The following RIPOR2 variants were observed in gnomAD, a reference collection of about 807,000 sequenced individuals.
The protein encoded by RIPOR2 is RHO family interacting cell polarization regulator 2, also known as rho family-interacting cell polarization regulator 2.
RIPOR2 carries 39 observed loss-of-function variants against 114.5 expected under a neutral mutation model. The observed-to-expected ratio is 0.34, with a 90% CI of 0.26 to 0.44. RIPOR2 has a LOEUF of 0.44. Among genes scored for constraint, RIPOR2 ranks in the 20% least tolerant of loss-of-function variants. The pLI, the probability that RIPOR2 is intolerant of heterozygous loss-of-function variation, is 1.00. For missense variants in RIPOR2, 1,007 were observed against 1,255.1 expected (o/e 0.80, Z 2.99); for synonymous variants, 445 against 484.4 (o/e 0.92, Z 1.07).
At chr6:24,877,801 G>A (rs758786959) in intron 1 of RIPOR2, among the ~76,000 whole-genome samples, 5 of 152,256 alleles carry the variant, frequency 3.3e-5, no homozygotes, top group East Asian at 3.9e-4. Flanking sequence ...CTGCTGTGTC[G>A]TTCCCCTATT....
At chr6:25,041,814 A>T (rs948298113) in intron 1 of RIPOR2, 11 of 694,114 alleles carry the variant, frequency 1.6e-5, no homozygotes, top group Non-Finnish European at 2.6e-5. Flanking sequence ...GTGGAAAACA[A>T]AGGCAGAGAG....
intron 1 of RIPOR2, among the ~76,000 whole-genome samples, chr6:24,999,688 T>C (rs1317106079): frequency 2.0e-5 from 3 of 151,984 alleles, no homozygotes; most frequent in South Asian, 2.1e-4. Context: ...CCCAAGTAGC[T>C]GGGACTACAG....
chr6:24,995,741 C>T (rs1209088310), intron 1 of RIPOR2, among the ~76,000 whole-genome samples: 1 of 151,778 alleles, frequency 6.6e-6, no homozygotes, highest in African/African-American at 2.4e-5. Flanking sequence ...TGTATAAATA[C>T]AGATGTTTCT....
At chr6:24,830,194 G>A (rs1487597120) in intron 17 of RIPOR2, among the ~76,000 whole-genome samples, 9 of 152,122 alleles carry the variant, frequency 5.9e-5, no homozygotes, top group Admixed American at 5.9e-4. Context: ...TCGAACTCCT[G>A]ACCTCAGGTG....
intron 1 of RIPOR2, among the ~76,000 whole-genome samples, chr6:24,909,300 T>TG (rs1396467803): frequency 6.6e-6 from 1 of 152,116 alleles, no homozygotes; most frequent in Non-Finnish European, 1.5e-5. Context: ...TAACTACTGA[T>TG]GCTTCCTAAT....
intron 1 of RIPOR2, among the ~76,000 whole-genome samples, chr6:25,008,601 A>G (rs1411850708): frequency 1.3e-5 from 2 of 152,258 alleles, no homozygotes; most frequent in South Asian, 4.1e-4. Context: ...AACATAATAA[A>G]ATTACACTGT....
intron 8 of RIPOR2, 131 bp downstream of exon 8, chr6:24,860,842 G>C (rs1763999154): frequency 8.3e-6 from 5 of 598,996 alleles, no homozygotes; most frequent in Admixed American, 3.1e-5. Flanking sequence ...TATCAAAAGT[G>C]GGGTGGGTTG....
At chr6:25,039,738 G>A (rs1399583957) in intron 1 of RIPOR2, among the ~76,000 whole-genome samples, 1 of 152,036 alleles carries the variant, frequency 6.6e-6, no homozygotes, top group African/African-American at 2.4e-5. Context: ...TTAAAACTTA[G>A]GATCACAACT....
chr6:24,978,663 C>T (rs868579860), intron 1 of RIPOR2, among the ~76,000 whole-genome samples: 15 of 152,242 alleles, frequency 9.9e-5, no homozygotes, highest in Middle Eastern at 3.4e-3. Flanking sequence ...TATTGCTCTG[C>T]GATAAGACTG....
At position 24,865,328 on chromosome 6, in the gene RIPOR2, G is replaced by A. The variant is rs979715996; in HGVS notation, c.624C>T (p.Ile208=). 5.6e-6 allele frequency: 9 copies of A among 1,613,094 alleles called. No homozygotes were observed. The highest frequency in any genetic ancestry group is 7.6e-6 in the Non-Finnish European group (9 of 1,179,452). Residue 208 remains isoleucine, a synonymous_variant, in exon 7 of 22, where the codon ATC becomes ATT. Transcript: ENST00000643898. ...CTGTGTACTCCTTGAAGCTCCGATTGATCTCTGTCAGACTCTCCCGGGCAG... is the reference window on the plus strand; with the variant it reads ...CTGTGTACTCCTTGAAGCTCCGATTAATCTCTGTCAGACTCTCCCGGGCAG... ...SKAARESLTE[I]NRSFKEYTEN... is the part of the protein sequence containing the mutation.
upstream of RIPOR2, among the ~76,000 whole-genome samples, chr6:24,936,923 C>T (rs770997343): frequency 6.6e-6 from 1 of 152,130 alleles, no homozygotes; most frequent in Non-Finnish European, 1.5e-5. Context: ...ATTTTTGGCA[C>T]TTTATTTACT....
At position 24,921,836 on chromosome 6, in the gene RIPOR2, T is replaced by C. The variant is rs574478164; in HGVS notation, c.61+14002A>G. Among the ~76,000 whole-genome samples, 24 of 151,900 alleles carry C rather than the reference T, an allele frequency of 1.6e-4. No individual in the cohort carries two copies. The East Asian group carries it at 3.1e-3, about 20-fold the overall frequency. On this transcript the variant is annotated intron_variant, in intron 1 of 21. Transcript: ENST00000643898. ...ATATTCTTTCTTTCTTTCTTTCTTTTTTTTAAAATTTGAGACAGAGTCTCA... is the reference window on the plus strand; with the variant it reads ...ATATTCTTTCTTTCTTTCTTTCTTTCTTTTAAAATTTGAGACAGAGTCTCA...
chr6:24,847,233 G>A (rs558871205), intron 12 of RIPOR2, among the ~76,000 whole-genome samples: 33 of 152,330 alleles, frequency 2.2e-4, no homozygotes, highest in Non-Finnish European at 4.0e-4. Context: ...GATTACAGGC[G>A]TGAGCCACCA....
rs1776438257 is a variant in RIPOR2, at chr6:25,023,607, C to T, written c.76+18244G>A. The T allele has an allele frequency of 7.8e-6, 6 of 764,580 alleles. No individual in the cohort carries two copies. In the East Asian group the frequency reaches 1.5e-4, roughly 19 times the overall value. The allele number at this position is 764,580 out of a possible 1,614,324, so 47.4% of individuals were successfully genotyped here. A position where few individuals can be genotyped will look rare whatever the true frequency, so the allele number is the denominator to read the frequency against. On this transcript the variant is annotated intron_variant, in intron 1 of 13. Transcript: ENST00000510784. Reference sequence around the variant, plus strand: ...CAGTCCATGGTGAAGGCCTTGATGTCTAAATGAGTGTGGTAAAGGATGGTG... The same window carrying T: ...CAGTCCATGGTGAAGGCCTTGATGTTTAAATGAGTGTGGTAAAGGATGGTG...
At chr6:24,846,160 A>G (rs1339484256) in intron 12 of RIPOR2, among the ~76,000 whole-genome samples, 3 of 152,118 alleles carry the variant, frequency 2.0e-5, no homozygotes, top group African/African-American at 7.2e-5. Flanking sequence ...GCATGAATAT[A>G]CATGTTATGT....
At position 24,809,030 on chromosome 6, in the gene RIPOR2, G is replaced by A. The variant is rs139673299; in HGVS notation, c.3043+687C>T. On this transcript the variant is annotated intron_variant, in intron 21 of 21. Coordinates refer to ENST00000643898, the MANE Select transcript of RIPOR2 (RefSeq NM_001286445.3). ...TCACCTTGGCCTCCCAAAGTGCTGG[G>A]GTTACAGGGGTGAGCCACCAAACCC... 1.9e-4 allele frequency among the ~76,000 whole-genome samples: 29 copies of A among 152,102 alleles called. 1 individual carries two copies. The East Asian group carries it at 5.6e-3, about 29-fold the overall frequency.
intron 1 of RIPOR2, among the ~76,000 whole-genome samples, chr6:24,961,435 T>C (rs395417): frequency 0.79 from 120,580 of 151,692 alleles, 51,465 homozygotes; most frequent in East Asian, 0.96. Flanking sequence ...TACAGTGTAA[T>C]ATGGTGCTCC....
intron 1 of RIPOR2, among the ~76,000 whole-genome samples, chr6:24,943,486 TATAATA>T (rs79282731): frequency 6.6e-6 from 1 of 151,424 alleles, no homozygotes. Flanking sequence ...AAACTTAAAG[TATAATA>T]ATAATAATAA....
intron 1 of RIPOR2, among the ~76,000 whole-genome samples, chr6:25,031,723 AT>A (rs1776962866): frequency 8.5e-5 from 9 of 105,628 alleles, no homozygotes; most frequent in Non-Finnish European, 1.5e-4. Context: ...ATATATATAT[AT>A]ATATATATAT....
Sources: allele counts gnomAD v4.1 joint callset (sites outside exome capture counted in the v4.1 genomes callset), GRCh38; gene constraint gnomAD v4.1.1; transcripts MANE v1.5; gene names NCBI Gene and HGNC (gene_info 2026-07-23, HGNC 2026-07-21).